Variants in RERG observed in about 807,000 individuals in gnomAD.
The protein encoded by RERG is RAS like estrogen regulated growth inhibitor, also known as ras-related and estrogen-regulated growth inhibitor.
RERG carries 25 observed loss-of-function variants against 23.2 expected under a neutral mutation model. That is an observed-to-expected ratio of 1.08 (90% CI 0.79 to 1.50). The LOEUF is 1.50. Ranked by LOEUF, RERG falls within the 40% of genes most tolerant of loss-of-function variation. The pLI, the probability that RERG is intolerant of heterozygous loss-of-function variation, is 0.00. For synonymous variants in RERG, 81 were observed against 89.1 expected, an observed-to-expected ratio of 0.91 and a Z score of 0.51; for missense variants, 253 against 250.1, an observed-to-expected ratio of 1.01 and a Z score of -0.08.
At chr12:15,117,928 G>A (rs150922510) in intron 3 of RERG, among the ~76,000 whole-genome samples, 27 of 152,120 alleles carry the variant, frequency 1.8e-4, no homozygotes, top group African/African-American at 4.8e-4. Context: ...CTTCAGTGGT[G>A]GTTTTCAAAT....
chr12:15,114,621 T>C (rs904845358), intron 3 of RERG: 7 of 152,180 alleles, frequency 4.6e-5, no homozygotes, highest in Non-Finnish European at 7.3e-5. Flanking sequence ...ACACCGACAA[T>C]GAGAGTGTAG....
intron 2 of RERG, among the ~76,000 whole-genome samples, chr12:15,148,378 C>T (rs564910357): frequency 1.3e-5 from 2 of 151,780 alleles, no homozygotes; most frequent in Non-Finnish European, 2.9e-5. Flanking sequence ...AAAGAAGGTG[C>T]GAATAAAGAA....
At chr12:15,151,476 G>A (rs2193174) in intron 2 of RERG, among the ~76,000 whole-genome samples, 104,310 of 152,006 alleles carry the variant, frequency 0.69, 35,948 homozygotes, top group Admixed American at 0.76. Flanking sequence ...TCACTTTGCT[G>A]GAATTCACCT....
In RERG at chr12:15,109,258, G is replaced by T; in HGVS notation, c.452C>A (p.Thr151Asn). 3 of 1,614,126 alleles carry T rather than the reference G, an allele frequency of 1.9e-6. No homozygotes were observed. Among genetic ancestry groups the T allele is most frequent in the Non-Finnish European group, 2.5e-6 (3 of 1,180,010 alleles). ...ACAFYECSAC[T>N]GEGNITEIFY... The stretch of plus-strand genomic sequence containing the variant: ...TATCTCTGTGATGTTCCCTTCTCCA[G>T]TGCAGGCAGAGCACTCGTAAAAAGC... The change falls in exon 5 of 5, where the codon ACT becomes AAT. Residue 151 changes from threonine to asparagine, a missense_variant. Physicochemically the swap from Thr to Asn is moderately conservative, Grantham distance 65 (BLOSUM62 0). Transcript: ENST00000256953.
chr12:15,208,250 A>ATG lies in RERG; in HGVS notation c.61+9177_61+9178dup, dbSNP rs146084360. On this transcript the variant is annotated intron_variant, in intron 2 of 4. Coordinates refer to ENST00000256953, the MANE Select transcript of RERG (RefSeq NM_032918.3). Reference sequence around the variant, plus strand: ...ACAATTGCTTTGAATGAATGAATGAATGTGTGTGTGTGTGTATTCTATTGG... The same window carrying ATG: ...ACAATTGCTTTGAATGAATGAATGAATGTGTGTGTGTGTGTGTATTCTATTGG... 8.0e-3 allele frequency among the ~76,000 whole-genome samples: 1,209 copies of ATG among 151,774 alleles called. 14 individuals carry two copies. Among genetic ancestry groups the ATG allele is most frequent in the African/African-American group, 0.027 (1,133 of 41,406 alleles).
chr12:15,156,414 C>T (rs970936683), intron 2 of RERG, among the ~76,000 whole-genome samples: 2 of 152,176 alleles, frequency 1.3e-5, no homozygotes. Flanking sequence ...TACAGGCTTA[C>T]CCATCCTAAT....
chr12:15,126,829 T>C (rs1426567843), intron 2 of RERG, among the ~76,000 whole-genome samples: 1 of 150,582 alleles, frequency 6.6e-6, no homozygotes, highest in African/African-American at 2.4e-5. Flanking sequence ...GCCATTCTCC[T>C]GCCTCAGCCT....
rs772353150 is a variant in RERG, at chr12:15,212,042, C to CTTTTTTTTTTTT, written c.61+5375_61+5386dup. 2.1e-3 allele frequency among the ~76,000 whole-genome samples: 139 copies of CTTTTTTTTTTTT among 64,712 alleles called. 12 individuals carry two copies. Among genetic ancestry groups the CTTTTTTTTTTTT allele is most frequent in the East Asian group, 4.2e-3 (11 of 2,612 alleles). 42.5% of individuals were successfully genotyped at this position (64,712 alleles called of 152,430 possible). A position where few individuals can be genotyped will look rare whatever the true frequency, so the allele number is the denominator to read the frequency against. ...ATGTGATATTAGAGCCACGAATAAA[C>CTTTTTTTTTTTT]TTTTTTTTTTTTTTTTTTTTTTTTT... On this transcript the variant is annotated intron_variant, in intron 2 of 4. Coordinates refer to ENST00000256953, the MANE Select transcript of RERG (RefSeq NM_032918.3).
chr12:15,207,437 AAAACAAACAAAC>A (rs542174506), intron 2 of RERG, among the ~76,000 whole-genome samples: 2 of 152,242 alleles, frequency 1.3e-5, no homozygotes, highest in African/African-American at 2.4e-5. Context: ...GCATACGTTA[AAAACAAACAAAC>A]AAACAAACAA....
chr12:15,216,531 A>G (rs1865442821), intron 2 of RERG, among the ~76,000 whole-genome samples: 1 of 152,202 alleles, frequency 6.6e-6, no homozygotes, highest in South Asian at 2.1e-4. Context: ...TATACAGTTT[A>G]TTTCCAAACA....
At chr12:15,136,024 A>G (rs920177288) in intron 2 of RERG, among the ~76,000 whole-genome samples, 12 of 152,094 alleles carry the variant, frequency 7.9e-5, no homozygotes, top group African/African-American at 2.2e-4. Context: ...CCATCTGGGC[A>G]TGGAACTTTC....
At chr12:15,111,651 G>A (rs752667634) in intron 3 of RERG, among the ~76,000 whole-genome samples, 11 of 151,642 alleles carry the variant, frequency 7.3e-5, no homozygotes, top group Non-Finnish European at 1.5e-4. Context: ...TAGAATAGGG[G>A]GAATCTCTTT....
chr12:15,166,410 C>T (rs1864687678), intron 2 of RERG, among the ~76,000 whole-genome samples: 1 of 152,046 alleles, frequency 6.6e-6, no homozygotes, highest in Admixed American at 6.6e-5. Context: ...TCAGTGTCTC[C>T]TTTTTAATTT....
chr12:15,175,077 T>C (rs998704033), intron 2 of RERG, among the ~76,000 whole-genome samples: 3 of 152,060 alleles, frequency 2.0e-5, no homozygotes, highest in Non-Finnish European at 4.4e-5. Context: ...TAATATAATG[T>C]GGCAACTCTG....
chr12:15,186,688 A>G (rs1864997376), intron 2 of RERG, among the ~76,000 whole-genome samples: 1 of 152,218 alleles, frequency 6.6e-6, no homozygotes, highest in African/African-American at 2.4e-5. Context: ...TCACAGCCAT[A>G]TGGGATAAAT....
intron 2 of RERG, among the ~76,000 whole-genome samples, chr12:15,176,048 T>G (rs1324394448): frequency 6.6e-6 from 1 of 152,234 alleles, no homozygotes; most frequent in East Asian, 1.9e-4. Flanking sequence ...TCTAGAAGTC[T>G]AAAACGTTAT....
chr12:15,154,604 G>A (rs1050179294), intron 2 of RERG, among the ~76,000 whole-genome samples: 4 of 152,178 alleles, frequency 2.6e-5, no homozygotes, highest in Admixed American at 6.5e-5. Flanking sequence ...ATTATAGGCA[G>A]CAACCATGGA....
At chr12:15,147,112 C>T (rs1864347621) in intron 2 of RERG, among the ~76,000 whole-genome samples, 1 of 151,770 alleles carries the variant, frequency 6.6e-6, no homozygotes, top group Admixed American at 6.6e-5. Context: ...TTCAGTTAAG[C>T]CTGGAGTAAA....
At chr12:15,137,475 T>C (rs1864162854) in intron 2 of RERG, among the ~76,000 whole-genome samples, 1 of 151,844 alleles carries the variant, frequency 6.6e-6, no homozygotes, top group African/African-American at 2.4e-5. Context: ...TTTTTCTACC[T>C]TTTTTGGTTT....
Sources: gnomAD v4.1 joint callset for allele counts (sites outside exome capture counted in the v4.1 genomes callset) on GRCh38, gnomAD v4.1.1 for gene constraint, MANE v1.5 for transcripts, NCBI Gene and HGNC (gene_info 2026-07-23, HGNC 2026-07-21) for gene names.